The following IRAK1BP1 variants were observed in gnomAD, a reference collection of about 807,000 sequenced individuals.
IRAK1BP1 encodes the protein interleukin 1 receptor associated kinase 1 binding protein 1.
In IRAK1BP1, 24 loss-of-function variants were observed where a neutral mutation model predicts 28.0. The observed-to-expected ratio is 0.86, with a 90% CI of 0.62 to 1.20. IRAK1BP1 has a LOEUF of 1.20. IRAK1BP1 is among the 50% of genes most tolerant of loss of function. The pLI, the probability that IRAK1BP1 is intolerant of heterozygous loss-of-function variation, is 0.00. For synonymous variants in IRAK1BP1, 131 were observed against 116.3 expected, an observed-to-expected ratio of 1.13 and a Z score of -0.81; for missense variants, 336 against 316.7, an observed-to-expected ratio of 1.06 and a Z score of -0.46.
At chr6:78,906,603 A>G (rs573402077), downstream of IRAK1BP1, among the ~76,000 whole-genome samples, 1 of 152,294 alleles carries the variant, frequency 6.6e-6, no homozygotes, top group African/African-American at 2.4e-5. Flanking sequence ...GAGTGTTACA[A>G]TTTATTGACT....
the IRAK1BP1 span, among the ~76,000 whole-genome samples, chr6:78,976,094 T>C: frequency 6.6e-6 from 1 of 151,068 alleles, no homozygotes; most frequent in East Asian, 1.9e-4. Context: ...AGAACAAAGC[T>C]GGAGGCATCA....
At chr6:78,941,230 A>T in intron 4 of IRAK1BP1, 2 of 1,613,876 alleles carry the variant, frequency 1.2e-6, no homozygotes, top group Non-Finnish European at 1.7e-6. Context: ...CTTCTACTTT[A>T]GGTTTCCTTC....
chr6:78,948,811 C>T (rs4706745), downstream of IRAK1BP1, among the ~76,000 whole-genome samples: 967 of 152,228 alleles, frequency 6.4e-3, 34 homozygotes, highest in Admixed American at 0.057. Context: ...TTTCAACAGT[C>T]CCTCAGTATG....
the IRAK1BP1 span, among the ~76,000 whole-genome samples, chr6:78,977,685 G>A: frequency 6.6e-6 from 1 of 152,104 alleles, no homozygotes; most frequent in South Asian, 2.1e-4. Context: ...TTGAAATAAT[G>A]TATTAAATAT....
the IRAK1BP1 span, among the ~76,000 whole-genome samples, chr6:78,974,146 T>G: frequency 6.6e-6 from 1 of 151,922 alleles, no homozygotes; most frequent in African/African-American, 2.4e-5. Context: ...CCTCAGCAAA[T>G]GTAAAAGAAC....
At chr6:78,931,765 G>A (rs1014784717) in intron 4 of IRAK1BP1, among the ~76,000 whole-genome samples, 5 of 152,156 alleles carry the variant, frequency 3.3e-5, no homozygotes, top group South Asian at 2.1e-4. Context: ...GGAGGGTCTC[G>A]CTCCAATGTT....
chr6:78,927,070 C>T (rs1772909459), intron 4 of IRAK1BP1, among the ~76,000 whole-genome samples: 1 of 151,972 alleles, frequency 6.6e-6, no homozygotes, highest in African/African-American at 2.4e-5. Context: ...ACCCAACAGT[C>T]GGATTGCTGG....
At chr6:78,941,134 C>A in intron 4 of IRAK1BP1, 1 of 1,613,964 alleles carries the variant, frequency 6.2e-7, no homozygotes. Context: ...CATTATTTTG[C>A]TCTAAATCTT....
At chr6:78,904,337 A>G (rs922368987), downstream of IRAK1BP1, among the ~76,000 whole-genome samples, 1 of 151,898 alleles carries the variant, frequency 6.6e-6, no homozygotes, top group South Asian at 2.1e-4. Context: ...TTTGCCCTTT[A>G]CCTCCTATTG....
intron 1 of IRAK1BP1, 49 bp from the exon 2 acceptor site, chr6:78,885,329 A>G (rs1270396066): frequency 2.0e-6 from 2 of 1,006,078 alleles, no homozygotes; most frequent in Admixed American, 2.1e-5. Context: ...TTTTAGAGTA[A>G]TTGCATCAAA....
At chr6:78,878,683 C>G (rs189507656) in intron 1 of IRAK1BP1, among the ~76,000 whole-genome samples, 1 of 152,126 alleles carries the variant, frequency 6.6e-6, no homozygotes. Context: ...TTCAGACGAT[C>G]GGTAATAACA....
intron 4 of IRAK1BP1, chr6:78,937,500 G>T (rs997432336): frequency 6.6e-6 from 1 of 151,678 alleles, no homozygotes; most frequent in African/African-American, 2.4e-5. Context: ...TGTATCTTAT[G>T]TAATTCATTT....
Position 78,935,852 on chromosome 6 carries a change from T to C in IRAK1BP1, c.*68-9556T>C, listed in dbSNP as rs1025752376. 2.0e-5 allele frequency: 11 copies of C among 549,582 alleles called. No homozygotes were observed. The South Asian group carries it at 7.9e-4, about 39-fold the overall frequency. 34.0% of individuals were successfully genotyped at this position (549,582 alleles called of 1,614,324 possible). A position where few individuals can be genotyped will look rare whatever the true frequency, so the allele number is the denominator to read the frequency against. ...ACTTTAAAAAGCAAATAATAAATCATGAGGCTCTACAAAATAGCTTAGAAA... is the reference window on the plus strand; with the variant it reads ...ACTTTAAAAAGCAAATAATAAATCACGAGGCTCTACAAAATAGCTTAGAAA... On this transcript the variant is annotated intron_variant and NMD_transcript_variant, in intron 4 of 4. Coordinates refer to the IRAK1BP1 transcript ENST00000606868.
At chr6:78,964,636 G>GCA in the IRAK1BP1 span, among the ~76,000 whole-genome samples, 1 of 152,018 alleles carries the variant, frequency 6.6e-6, no homozygotes, top group South Asian at 2.1e-4. Context: ...GGGACTACAG[G>GCA]CACACGCCAC....
the IRAK1BP1 span, chr6:78,958,601 CT>C: frequency 6.5e-7 from 1 of 1,541,816 alleles, no homozygotes; most frequent in Non-Finnish European, 8.9e-7. Flanking sequence ...AGAAACCCGC[CT>C]TAAAAAAACA....
intron 2 of IRAK1BP1, among the ~76,000 whole-genome samples, chr6:78,888,685 T>C (rs1284103429): frequency 6.6e-6 from 1 of 152,074 alleles, no homozygotes; most frequent in Non-Finnish European, 1.5e-5. Flanking sequence ...TTTGTATTTA[T>C]AGTAGAGATG....
At chr6:78,878,713 A>G (rs1391039721) in intron 1 of IRAK1BP1, among the ~76,000 whole-genome samples, 1 of 152,216 alleles carries the variant, frequency 6.6e-6, no homozygotes, top group Non-Finnish European at 1.5e-5. Context: ...GACCTAAAAG[A>G]GGATGTTCAG....
chr6:78,949,383 A>C (rs1774010855), downstream of IRAK1BP1, among the ~76,000 whole-genome samples: 1 of 152,076 alleles, frequency 6.6e-6, no homozygotes. Flanking sequence ...CCCAAGTATA[A>C]AGCCACAATC....
rs756433248 is a variant in IRAK1BP1 at position 78,898,219 on chromosome 6, T to C, written c.668T>C (p.Leu223Pro). Residue 223 changes from leucine (L) to proline (P), a missense_variant, in exon 4 of 4, where the codon CTC (leucine) becomes CCC (proline). Leu to Pro is a moderately conservative substitution (Grantham distance 98, BLOSUM62 -3). Coordinates refer to ENST00000369940, the MANE Select transcript of IRAK1BP1 (RefSeq NM_001010844.4). The stretch of plus-strand genomic sequence containing the variant: ...ATAGATGATCACCAGTCATCCAGAC[T>C]CTCAAGTTCATTAACTGTACAACAA... ...GQIDDHQSSR[L>P]SSSLTVQQKI... is the part of the protein sequence containing the mutation. 1 of 1,613,442 alleles carries C rather than the reference T, an allele frequency of 6.2e-7. No homozygotes were observed. The highest frequency in any genetic ancestry group is 8.5e-7 in the Non-Finnish European group (1 of 1,179,842).
Sources: allele counts gnomAD v4.1 joint callset (sites outside exome capture counted in the v4.1 genomes callset), GRCh38; gene constraint gnomAD v4.1.1; transcripts MANE v1.5; gene names NCBI Gene and HGNC (gene_info 2026-07-23, HGNC 2026-07-21).